The following EDC3 variants were observed in gnomAD, a reference collection of about 807,000 sequenced individuals.
EDC3 encodes the protein enhancer of mRNA-decapping protein 3.
Under a neutral mutation model 41.8 loss-of-function variants are expected in EDC3, and 20 were observed. The observed-to-expected ratio is 0.48, with a 90% confidence interval of 0.34 to 0.70. The LOEUF (loss-of-function observed/expected upper bound fraction) is 0.70, where lower values mean the gene tolerates loss of function less well. Ranked by LOEUF, EDC3 falls within the 30% of genes least tolerant of loss-of-function variation. EDC3 has a pLI of 0.01. For synonymous variants in EDC3, 206 were observed against 243.2 expected (o/e 0.85, Z 1.42); for missense variants, 444 against 636.8 (o/e 0.70, Z 3.26).
intron 1 of EDC3, among the ~76,000 whole-genome samples, chr15:74,690,523 G>A (rs2062995486): frequency 6.6e-6 from 1 of 152,208 alleles, no homozygotes; most frequent in African/African-American, 2.4e-5. Flanking sequence ...CCCTTGGCCT[G>A]CTAAAAACAA....
chr15:74,694,934 TC>T (rs2063048435), intron 1 of EDC3, among the ~76,000 whole-genome samples: 1 of 151,228 alleles, frequency 6.6e-6, no homozygotes, highest in African/African-American at 2.4e-5. Context: ...GATTTTGTGC[TC>T]AGTACACGTA....
chr15:74,676,842 A>C (rs2062811482), intron 1 of EDC3: 1 of 152,234 alleles, frequency 6.6e-6, no homozygotes, highest in Non-Finnish European at 1.5e-5. Context: ...TCACCAAAGA[A>C]GACATGGACA....
rs764237038 is a variant in EDC3, at chr15:74,674,947, G to C, written c.164+14C>G. The C allele has an allele frequency of 9.9e-6, 16 of 1,613,588 alleles. No homozygotes were observed. The highest frequency in any genetic ancestry group is 1.4e-5 in the Non-Finnish European group (16 of 1,179,942). ...CACCAGGTTGGATTCAGAAGAGTCA[G>C]TCAGGACACTCACCTGAAGGTGACT... On this transcript the variant is annotated intron_variant, in intron 2 of 6. Transcript: ENST00000315127.
rs2062482789 is a variant in EDC3, at chr15:74,651,742, TC to T, written c.820+3990del. ...TTACTTCTGTAAACTGCTGGTCCAT[TC>T]CTGAGAGACTGCAGTACTAAAGAAA... is the stretch of plus-strand genomic sequence containing the variant. On this transcript the variant is annotated intron_variant, in intron 4 of 6. Coordinates refer to ENST00000315127, the MANE Select transcript of EDC3 (RefSeq NM_025083.5). Among the ~76,000 whole-genome samples the T allele has an allele frequency of 2.0e-5, 3 of 152,230 alleles. No homozygotes were observed. The South Asian group carries it at 6.2e-4, about 31-fold the overall frequency.
rs2062224804 is a variant in EDC3, at chr15:74,632,619, G to C, written c.1520C>G (p.Ser507Cys). 6.2e-7 allele frequency: 1 copy of C among 1,613,542 alleles called. No homozygotes were observed. ...TGCCTGCGCAGGAACCCTCTAAGCAGAGTGCAGTGGGATAACAAACTTGCA... is the reference window on the plus strand; with the variant it reads ...TGCCTGCGCAGGAACCCTCTAAGCACAGTGCAGTGGGATAACAAACTTGCA... Reference protein sequence around the residue: ...FGCKFVIPLHSA With the variant: ...FGCKFVIPLHCA Residue 507 changes from serine to cysteine, a missense_variant, in exon 7 of 7, where the codon TCT (serine) becomes TGT (cysteine). Transcript: ENST00000315127. This position sits in a 1 kb window ranked among gnomAD's most constrained non-coding sequence, Gnocchi z 4.0.
At chr15:74,651,519 T>G (rs1242400928) in intron 4 of EDC3, among the ~76,000 whole-genome samples, 1 of 152,254 alleles carries the variant, frequency 6.6e-6, no homozygotes, top group African/African-American at 2.4e-5. Context: ...TAATAGCTTA[T>G]GTACTGTTGG....
At position 74,632,271 on chromosome 15, in the gene EDC3, A is replaced by G; in HGVS notation, c.*341T>C. The G allele has an allele frequency of 3.0e-6, 1 of 335,358 alleles. No homozygotes were observed. Among genetic ancestry groups the G allele is most frequent in the Non-Finnish European group, 5.6e-6 (1 of 178,026 alleles). The allele number at this position is 335,358 out of a possible 1,614,324, so 20.8% of individuals were successfully genotyped here. A position where few individuals can be genotyped will look rare whatever the true frequency, so the allele number is the denominator to read the frequency against. ...CCAGACAGGACCTGGCCCACTCTTC[A>G]ATGTGTGTGCCCAGGCCCAGTGGCT... On this transcript the variant is annotated 3_prime_UTR_variant, in exon 7 of 7. Transcript: ENST00000315127. This position sits in a 1 kb window ranked among gnomAD's most constrained non-coding sequence, Gnocchi z 4.0.
intron 3 of EDC3, among the ~76,000 whole-genome samples, chr15:74,667,006 G>A (rs1353162705): frequency 6.6e-6 from 1 of 152,086 alleles, no homozygotes; most frequent in Admixed American, 6.6e-5. Flanking sequence ...AAAAGAAACA[G>A]TACGTAAGCA....
chr15:74,682,498 A>G (rs1215815949), intron 1 of EDC3, among the ~76,000 whole-genome samples: 1 of 151,542 alleles, frequency 6.6e-6, no homozygotes, highest in Admixed American at 6.6e-5. Flanking sequence ...GGCTCCTGTA[A>G]TCCCAGCTAC....
intron 1 of EDC3, chr15:74,693,119 G>C (rs2063026736): frequency 1.3e-5 from 2 of 152,140 alleles, no homozygotes; most frequent in Admixed American, 1.3e-4. Context: ...AGCACATCTA[G>C]ATCTAAACCT....
chr15:74,667,557 T>G (rs2062691254), intron 3 of EDC3, among the ~76,000 whole-genome samples: 1 of 145,516 alleles, frequency 6.9e-6, no homozygotes, highest in Admixed American at 6.9e-5. Context: ...TCTTTCAGTG[T>G]GAGAAAGTAC....
intron 3 of EDC3, among the ~76,000 whole-genome samples, chr15:74,669,343 C>CA (rs59652636): frequency 0.015 from 1,420 of 95,826 alleles, 24 homozygotes; most frequent in African/African-American, 0.046. Context: ...AACTCTGTCT[C>CA]AAAAAAAAAA....
intron 1 of EDC3, among the ~76,000 whole-genome samples, chr15:74,676,629 T>C (rs2062809909): frequency 6.6e-6 from 1 of 152,026 alleles, no homozygotes; most frequent in African/African-American, 2.4e-5. Flanking sequence ...CACAAGAAAT[T>C]AAAAATCTGA....
chr15:74,638,262 C>T (rs1234270809), intron 5 of EDC3: 3 of 151,774 alleles, frequency 2.0e-5, no homozygotes, highest in Admixed American at 2.0e-4. Flanking sequence ...ACTCTTACAC[C>T]ATCTACAAGC....
chr15:74,675,241 T>C (rs2062789348), intron 1 of EDC3, 99 bp from the exon 2 acceptor site: 3 of 1,121,686 alleles, frequency 2.7e-6, no homozygotes, highest in Non-Finnish European at 3.8e-6. Context: ...TGTTGGTTAA[T>C]AAAACATATT....
At chr15:74,646,761 CAG>C (rs1252048018) in intron 4 of EDC3, among the ~76,000 whole-genome samples, 1 of 152,078 alleles carries the variant, frequency 6.6e-6, no homozygotes, top group Non-Finnish European at 1.5e-5. Context: ...ATAAAGTTGA[CAG>C]GGGTAGAAAG....
At chr15:74,685,546 T>C (rs1159911880) in intron 1 of EDC3, among the ~76,000 whole-genome samples, 1 of 152,178 alleles carries the variant, frequency 6.6e-6, no homozygotes. Context: ...ATGAATGAAT[T>C]AGAAATAATA....
chr15:74,679,448 G>C (rs901842368), intron 1 of EDC3, among the ~76,000 whole-genome samples: 4 of 151,754 alleles, frequency 2.6e-5, no homozygotes, highest in Non-Finnish European at 4.4e-5. Context: ...TTTAAAAATC[G>C]ATCAATTTTA....
chr15:74,683,837 T>C (rs1247514084), intron 1 of EDC3, among the ~76,000 whole-genome samples: 3 of 152,140 alleles, frequency 2.0e-5, no homozygotes, highest in Non-Finnish European at 4.4e-5. Context: ...TCATTCACTA[T>C]ATTTAAAAAG....
Sources: allele counts gnomAD v4.1 joint callset (sites outside exome capture counted in the v4.1 genomes callset), GRCh38; gene constraint gnomAD v4.1.1; non-coding constraint Gnocchi (gnomAD v3.1); transcripts MANE v1.5; gene names NCBI Gene and HGNC (gene_info 2026-07-23, HGNC 2026-07-21).